The following LIN28B variants were observed in gnomAD, a reference collection of about 807,000 sequenced individuals.
The protein encoded by LIN28B is lin-28 RNA binding posttranscriptional regulator B.
In LIN28B, 5 loss-of-function variants were observed where a neutral mutation model predicts 21.9. That is an observed-to-expected ratio of 0.23 (90% CI 0.12 to 0.48). The LOEUF (loss-of-function observed/expected upper bound fraction) is 0.48. LIN28B is among the 20% of genes least tolerant of loss of function. The pLI is 0.98. For missense variants in LIN28B, 245 were observed against 310.5 expected, an observed-to-expected ratio of 0.79 and a Z score of 1.58; for synonymous variants, 109 against 111.3, an observed-to-expected ratio of 0.98 and a Z score of 0.13.
chr6:105,014,476 C>T (rs139025905), intron 2 of LIN28B, among the ~76,000 whole-genome samples: 5,216 of 152,216 alleles, frequency 0.034, 131 homozygotes, highest in Non-Finnish European at 0.054. Flanking sequence ...CCCACCACCA[C>T]GCCTGGCTAA....
At chr6:105,075,178 T>C (rs1183621331) in intron 3 of LIN28B, among the ~76,000 whole-genome samples, 1 of 152,248 alleles carries the variant, frequency 6.6e-6, no homozygotes, top group African/African-American at 2.4e-5. Flanking sequence ...ACTATGTCCT[T>C]ATATTTCTTA....
intron 3 of LIN28B, among the ~76,000 whole-genome samples, chr6:105,037,446 C>T (rs1043679065): frequency 6.6e-6 from 1 of 151,670 alleles, no homozygotes; most frequent in African/African-American, 2.4e-5. Flanking sequence ...AGAGCTACAA[C>T]TTTTCTCTCC....
upstream of LIN28B, among the ~76,000 whole-genome samples, chr6:104,953,043 A>C (rs1778238591): frequency 6.6e-6 from 1 of 152,224 alleles, no homozygotes; most frequent in South Asian, 2.1e-4. Flanking sequence ...TAGGAATGTC[A>C]AGAAAGTTAC....
intron 2 of LIN28B, among the ~76,000 whole-genome samples, chr6:104,964,582 T>A (rs1033251509): frequency 1.3e-5 from 2 of 152,198 alleles, no homozygotes; most frequent in African/African-American, 4.8e-5. Flanking sequence ...CCATATACAA[T>A]GCATAAGAAA....
At chr6:105,003,815 T>A (rs577739477) in intron 2 of LIN28B, among the ~76,000 whole-genome samples, 19 of 152,322 alleles carry the variant, frequency 1.2e-4, no homozygotes, top group African/African-American at 4.6e-4. Context: ...CCAGCCTGAC[T>A]TTGTTTTTTC....
intron 3 of LIN28B, chr6:105,045,592 G>A (rs1771741484): frequency 6.6e-6 from 1 of 152,020 alleles, no homozygotes; most frequent in African/African-American, 2.4e-5. Flanking sequence ...GGCCCTGTAT[G>A]TCATTCTTGT....
At chr6:105,058,100 AT>A in intron 3 of LIN28B, 1 of 410,556 alleles carries the variant, frequency 2.4e-6, no homozygotes, top group Non-Finnish European at 4.8e-6. Flanking sequence ...TTGACGGTGC[AT>A]TTTCTCTGAG....
At chr6:105,050,558 C>T (rs1452432464) in intron 3 of LIN28B, among the ~76,000 whole-genome samples, 3 of 138,164 alleles carry the variant, frequency 2.2e-5, no homozygotes, top group East Asian at 2.1e-4. Flanking sequence ...GCTGAGATTG[C>T]GCCACTGCAG....
chr6:105,033,890 T>C (rs1771472865), intron 3 of LIN28B, among the ~76,000 whole-genome samples: 1 of 151,678 alleles, frequency 6.6e-6, no homozygotes, highest in Non-Finnish European at 1.5e-5. Flanking sequence ...ATTTCTATTA[T>C]TTATATGAAA....
At chr6:105,055,825 T>TGGCATGATCATGGCTCACTGCAGC (rs1772010798) in intron 3 of LIN28B, among the ~76,000 whole-genome samples, 1 of 151,334 alleles carries the variant, frequency 6.6e-6, no homozygotes, top group Non-Finnish European at 1.5e-5. Context: ...CGGAGTGCAG[T>TGGCATGATCATGGCTCACTGCAGC]GGCATGATCA....
At chr6:104,998,273 A>G (rs1211671223) in intron 2 of LIN28B, among the ~76,000 whole-genome samples, 1 of 152,202 alleles carries the variant, frequency 6.6e-6, no homozygotes, top group African/African-American at 2.4e-5. Flanking sequence ...TCCTGTGACT[A>G]TATTTTATTC....
chr6:105,077,107 G>C (rs556536455), intron 3 of LIN28B, among the ~76,000 whole-genome samples: 1 of 152,002 alleles, frequency 6.6e-6, no homozygotes, highest in African/African-American at 2.4e-5. Context: ...GCACATGCCT[G>C]TAATCCTAGC....
At chr6:105,004,887 A>G (rs193142672) in intron 2 of LIN28B, among the ~76,000 whole-genome samples, 35 of 152,280 alleles carry the variant, frequency 2.3e-4, no homozygotes, top group East Asian at 1.4e-3. Context: ...CTGTTGTTCT[A>G]TATAGGCCTG....
chr6:104,961,485 C>G (rs970366103), intron 2 of LIN28B, among the ~76,000 whole-genome samples: 29 of 151,756 alleles, frequency 1.9e-4, no homozygotes, highest in African/African-American at 7.0e-4. Context: ...ACTGCAACCT[C>G]CACCTCACGA....
At chr6:104,941,591 G>A (rs1357433529) in intron 2 of LIN28B, 1 of 151,308 alleles carries the variant, frequency 6.6e-6, no homozygotes, top group Non-Finnish European at 1.5e-5. Context: ...CAGAGGGCGT[G>A]CGCACCTCCC....
At chr6:104,949,521 G>A (rs1000053999) in intron 2 of LIN28B, among the ~76,000 whole-genome samples, 1 of 152,184 alleles carries the variant, frequency 6.6e-6, no homozygotes, top group Non-Finnish European at 1.5e-5. Context: ...CTTTTGAGAA[G>A]AAAATTAGAT....
intron 3 of LIN28B, among the ~76,000 whole-genome samples, chr6:105,070,634 A>ACACACACACACG (rs1206857492): frequency 6.6e-6 from 1 of 150,938 alleles, no homozygotes; most frequent in East Asian, 2.0e-4. Context: ...ACACACACAC[A>ACACACACACACG]CACACACTGG....
intron 2 of LIN28B, among the ~76,000 whole-genome samples, chr6:104,975,970 C>G (rs1378466052): frequency 1.3e-5 from 2 of 151,942 alleles, no homozygotes; most frequent in African/African-American, 4.8e-5. Context: ...GCATGAGCCA[C>G]TGTGCCTAGC....
intron 3 of LIN28B, among the ~76,000 whole-genome samples, chr6:105,036,448 TC>T (rs2114358049): frequency 6.6e-6 from 1 of 152,344 alleles, no homozygotes; most frequent in South Asian, 2.1e-4. Flanking sequence ...GTTATCCAAG[TC>T]CTTTCTTCTT....
Sources: allele counts gnomAD v4.1 joint callset (sites outside exome capture counted in the v4.1 genomes callset), GRCh38; gene constraint gnomAD v4.1.1; transcripts MANE v1.5; gene names NCBI Gene and HGNC (gene_info 2026-07-23, HGNC 2026-07-21).